Variants in VPS53 observed in about 807,000 individuals in gnomAD.
VPS53 encodes the protein vacuolar protein sorting-associated protein 53 homolog.
A neutral mutation model predicts 107.0 loss-of-function variants in VPS53; 70 were observed. That is an observed-to-expected ratio of 0.65 (90% CI 0.54 to 0.80). The LOEUF is 0.80. Ranked by LOEUF, VPS53 falls within the 30% of genes least tolerant of loss-of-function variation. The probability of loss-of-function intolerance (pLI) is 0.00; values close to 1 mark genes in which losing one functional copy is unlikely to be tolerated. For missense variants in VPS53, 917 were observed against 1,049.4 expected (o/e 0.87, Z 1.74); for synonymous variants, 409 against 393.3 (o/e 1.04, Z -0.47).
chr17:659,737 C>T (rs1224917994), intron 5 of VPS53, among the ~76,000 whole-genome samples: 1 of 152,130 alleles, frequency 6.6e-6, no homozygotes, highest in Non-Finnish European at 1.5e-5. Flanking sequence ...CATCTCAAGA[C>T]TCTATCCCTT....
chr17:632,584 T>A (rs1018724759), intron 7 of VPS53, among the ~76,000 whole-genome samples: 1 of 152,164 alleles, frequency 6.6e-6, no homozygotes, highest in Non-Finnish European at 1.5e-5. Context: ...AGTCACCCTA[T>A]TGTTCTACCA....
At chr17:706,979 A>C in intron 2 of VPS53, among the ~76,000 whole-genome samples, 1 of 152,204 alleles carries the variant, frequency 6.6e-6, no homozygotes, top group South Asian at 2.1e-4. Context: ...AATGTGCTCC[A>C]GTCATTATCC....
intron 19 of VPS53, among the ~76,000 whole-genome samples, chr17:526,557 G>T (rs951257934): frequency 2.6e-5 from 4 of 152,214 alleles, no homozygotes; most frequent in Non-Finnish European, 4.4e-5. Flanking sequence ...AGACAGAAAG[G>T]TCCCATTTAT....
At chr17:669,277 C>G (rs1288191462) in intron 4 of VPS53, among the ~76,000 whole-genome samples, 2 of 152,234 alleles carry the variant, frequency 1.3e-5, no homozygotes, top group African/African-American at 4.8e-5. Context: ...CTGGCACTGT[C>G]CCTAGACACT....
chr17:640,951 T>C (rs574153320), intron 7 of VPS53, among the ~76,000 whole-genome samples: 1 of 152,116 alleles, frequency 6.6e-6, no homozygotes, highest in South Asian at 2.1e-4. Flanking sequence ...GCCTCCTGGG[T>C]TGAAGGGATT....
chr17:565,403 CAAAAAAAAAA>C (rs535932031), intron 13 of VPS53, among the ~76,000 whole-genome samples: 1 of 82,534 alleles, frequency 1.2e-5, no homozygotes, highest in South Asian at 4.7e-4. Flanking sequence ...AACCCCATCT[CAAAAAAAAAA>C]AAAAAAAAAA....
At chr17:552,673 G>A (rs1161675739) in intron 16 of VPS53, 1 of 161,606 alleles carries the variant, frequency 6.2e-6, no homozygotes, top group African/African-American at 2.4e-5. Flanking sequence ...CAATGGCCAA[G>A]GGAGAATGTC....
chr17:659,257 C>G (rs1442579924), intron 5 of VPS53, among the ~76,000 whole-genome samples: 2 of 152,036 alleles, frequency 1.3e-5, no homozygotes, highest in African/African-American at 2.4e-5. Context: ...TAGCTTCAGT[C>G]TAACATAGGG....
intron 11 of VPS53, among the ~76,000 whole-genome samples, chr17:606,033 G>A (rs903438136): frequency 6.6e-6 from 1 of 152,106 alleles, no homozygotes; most frequent in Non-Finnish European, 1.5e-5. Context: ...CTCCAGGAAA[G>A]GGCTGATGGG....
At chr17:706,949 G>T (rs537567022) in intron 2 of VPS53, among the ~76,000 whole-genome samples, 1 of 152,104 alleles carries the variant, frequency 6.6e-6, no homozygotes, top group Non-Finnish European at 1.5e-5. Context: ...ATGGCTGCCA[G>T]ACGGAATTTT....
At chr17:650,422 A>G (rs796533750) in intron 7 of VPS53, among the ~76,000 whole-genome samples, 31 of 152,262 alleles carry the variant, frequency 2.0e-4, no homozygotes, top group African/African-American at 7.0e-4. Flanking sequence ...GTTTGAGCCC[A>G]GGAGTTCCAG....
At chr17:656,619 A>G (rs1167348024) in intron 5 of VPS53, among the ~76,000 whole-genome samples, 2 of 152,220 alleles carry the variant, frequency 1.3e-5, no homozygotes, top group Non-Finnish European at 2.9e-5. Context: ...TATTCAATAG[A>G]GAAGTTGGAA....
In VPS53 at chr17:532,656, C is replaced by A; in HGVS notation, c.2085+186G>T. ...CTGCACCCAGAACTTAGTAGGCGTT[C>A]AAACAAAATTTTTAAAAATAAATGG... On this transcript the variant is annotated intron_variant, in intron 19 of 21. Transcript: ENST00000437048. 2.9e-6 allele frequency: 4 copies of A among 1,395,414 alleles called. No individual in the cohort carries two copies. In the South Asian group the frequency reaches 5.1e-5, roughly 18 times the overall value. The allele number at this position is 1,395,414 out of a possible 1,614,324, so 86.4% of individuals were successfully genotyped here.
chr17:641,131 C>G (rs958048973), intron 7 of VPS53, among the ~76,000 whole-genome samples: 1 of 152,198 alleles, frequency 6.6e-6, no homozygotes, highest in Non-Finnish European at 1.5e-5. Context: ...GCTGGGATTA[C>G]AGGCGTGAGT....
At chr17:630,481 C>T (rs1299146299) in intron 8 of VPS53, among the ~76,000 whole-genome samples, 12 of 152,140 alleles carry the variant, frequency 7.9e-5, no homozygotes. Flanking sequence ...TATCTACTCC[C>T]TCCCTGCAGT....
intron 18 of VPS53, among the ~76,000 whole-genome samples, chr17:534,906 G>C (rs1352497595): frequency 6.8e-6 from 1 of 146,974 alleles, no homozygotes; most frequent in Non-Finnish European, 1.5e-5. Context: ...TAACAGAGTG[G>C]GACCCTGTAT....
In VPS53 at chr17:554,939, A is replaced by G. The variant is rs112031126; in HGVS notation, c.1705-1477T>C. On this transcript the variant is annotated intron_variant, in intron 15 of 21. Transcript: ENST00000437048. ...TTTGCAGCATTCATTAATTCAACCA[A>G]TATTTAATGAGAGCCCGCTTTGTTC... Among the ~76,000 whole-genome samples the G allele has an allele frequency of 8.6e-4, 131 of 152,360 alleles. 1 individual carries two copies. The highest frequency in any genetic ancestry group is 3.8e-4 in the Non-Finnish European group (26 of 68,036).
chr17:545,983 GT>G (rs1268289833), intron 17 of VPS53, among the ~76,000 whole-genome samples: 1 of 152,218 alleles, frequency 6.6e-6, no homozygotes, highest in Admixed American at 6.5e-5. Context: ...GCCAAACAGT[GT>G]GGTACTGGCC....
chr17:685,780 G>A (rs939210970), intron 4 of VPS53, among the ~76,000 whole-genome samples: 2 of 151,888 alleles, frequency 1.3e-5, no homozygotes, highest in Admixed American at 6.6e-5. Context: ...CAGGAAGATC[G>A]CTTGAGGTAA....
Sources: gnomAD v4.1 joint callset for allele counts (sites outside exome capture counted in the v4.1 genomes callset) on GRCh38, gnomAD v4.1.1 for gene constraint, MANE v1.5 for transcripts, NCBI Gene and HGNC (gene_info 2026-07-23, HGNC 2026-07-21) for gene names.